Variants in EEF1AKMT1 observed in about 807,000 individuals in gnomAD.
EEF1AKMT1 encodes N-6 adenine-specific DNA methyltransferase 2 (putative).
In EEF1AKMT1, 18 loss-of-function variants were observed where a neutral mutation model predicts 21.0. The observed-to-expected ratio is 0.86, with a 90% CI of 0.59 to 1.27. The LOEUF (loss-of-function observed/expected upper bound fraction) is 1.27, where lower values mean the gene tolerates loss of function less well. Ranked by LOEUF, EEF1AKMT1 falls within the 50% of genes most tolerant of loss-of-function variation. The probability of loss-of-function intolerance (pLI) is 0.00; values close to 1 mark genes in which losing one functional copy is unlikely to be tolerated. For missense variants in EEF1AKMT1, 246 were observed against 258.6 expected, an observed-to-expected ratio of 0.95 and a Z score of 0.33; for synonymous variants, 109 against 94.8, an observed-to-expected ratio of 1.15 and a Z score of -0.87.
chr13:20,764,305 T>C (rs2059016138), intron 1 of EEF1AKMT1, among the ~76,000 whole-genome samples: 1 of 152,194 alleles, frequency 6.6e-6, no homozygotes, highest in Non-Finnish European at 1.5e-5. Context: ...CTCTGGCCCA[T>C]ATATTTAGAA....
At chr13:20,748,235 G>A (rs906711565) in intron 2 of EEF1AKMT1, among the ~76,000 whole-genome samples, 6 of 152,110 alleles carry the variant, frequency 3.9e-5, no homozygotes, top group African/African-American at 1.4e-4. Flanking sequence ...AGGAGATTGA[G>A]ACCATCTGGC....
At chr13:20,729,586 C>G (rs143667120) in intron 4 of EEF1AKMT1, among the ~76,000 whole-genome samples, 2 of 152,002 alleles carry the variant, frequency 1.3e-5, no homozygotes, top group Non-Finnish European at 2.9e-5. Context: ...AGCCAAGAGC[C>G]TTTTTCAGTA....
chr13:20,735,180 T>C (rs1408379736), intron 3 of EEF1AKMT1, among the ~76,000 whole-genome samples: 2 of 152,274 alleles, frequency 1.3e-5, no homozygotes, highest in East Asian at 3.9e-4. Flanking sequence ...GTTCACGTGG[T>C]GGCATACCCG....
chr13:20,772,225 G>C (rs2059066269), intron 1 of EEF1AKMT1, among the ~76,000 whole-genome samples: 1 of 151,838 alleles, frequency 6.6e-6, no homozygotes, highest in Non-Finnish European at 1.5e-5. Flanking sequence ...CCCCACAAGT[G>C]GCAGTAAAAA....
At chr13:20,768,457 G>A (rs142192674) in intron 1 of EEF1AKMT1, among the ~76,000 whole-genome samples, 3 of 152,256 alleles carry the variant, frequency 2.0e-5, no homozygotes, top group African/African-American at 7.2e-5. Context: ...AATGAGTCAG[G>A]TATTGTTCCT....
intron 1 of EEF1AKMT1, among the ~76,000 whole-genome samples, chr13:20,771,158 C>A (rs2059061177): frequency 6.6e-6 from 1 of 152,174 alleles, no homozygotes. Flanking sequence ...AAACATGAGC[C>A]ATTATGCCCA....
intron 4 of EEF1AKMT1, 63 bp downstream of exon 4, chr13:20,731,778 G>A: frequency 6.6e-7 from 1 of 1,513,432 alleles, no homozygotes; most frequent in East Asian, 2.3e-5. Flanking sequence ...ATTTTTTCTT[G>A]ACCCTGAAGA....
intron 2 of EEF1AKMT1, among the ~76,000 whole-genome samples, chr13:20,738,913 T>G (rs1051293188): frequency 6.6e-6 from 1 of 152,204 alleles, no homozygotes; most frequent in Admixed American, 6.5e-5. Flanking sequence ...GTGATAGTTG[T>G]GTGTCCGGAA....
intron 3 of EEF1AKMT1, among the ~76,000 whole-genome samples, chr13:20,732,720 A>T (rs1185780283): frequency 6.6e-6 from 1 of 152,224 alleles, no homozygotes; most frequent in African/African-American, 2.4e-5. Flanking sequence ...CAAAATTTAG[A>T]TGTAGTTAGC....
Position 20,757,588 on chromosome 13 carries a change from A to C in EEF1AKMT1, c.11T>G (p.Leu4Trp), listed in dbSNP as rs758507283. ...AAGCTGGGGTGTCTCATCATCTTCC[A>C]AATCACTCATTTCACAAGTTGTTTA... MSDLEDDETPQLSA... is the reference protein window; with the variant it reads MSDWEDDETPQLSA... The change falls in exon 2 of 5, where the codon TTG becomes TGG. Residue 4 changes from leucine to tryptophan, a missense_variant. By Grantham distance (61) the Leu-to-Trp change is moderately conservative (BLOSUM62 -2). Coordinates refer to ENST00000382758, the MANE Select transcript of EEF1AKMT1 (RefSeq NM_001318939.2). 8 of 1,613,922 alleles carry C rather than the reference A, an allele frequency of 5.0e-6. No homozygotes were observed. In the South Asian group the frequency reaches 8.8e-5, roughly 18 times the overall value.
chr13:20,746,508 A>T (rs1185798678), intron 2 of EEF1AKMT1, among the ~76,000 whole-genome samples: 8 of 152,184 alleles, frequency 5.3e-5, no homozygotes, highest in African/African-American at 1.9e-4. Flanking sequence ...ACCTCTGCAA[A>T]GGACATCTGG....
Position 20,761,069 on chromosome 13 carries a change from C to T in EEF1AKMT1, c.-19-3452G>A, listed in dbSNP as rs1741484373. Reference sequence around the variant, plus strand: ...GAAATGAACAGTACAATCCACAGAGCTCGTGCAGTTCACCAGTTTTACACA... The same window carrying T: ...GAAATGAACAGTACAATCCACAGAGTTCGTGCAGTTCACCAGTTTTACACA... On this transcript the variant is annotated intron_variant, in intron 1 of 4. Transcript: ENST00000382758. Among the ~76,000 whole-genome samples the T allele has an allele frequency of 2.6e-5, 4 of 152,226 alleles. No individual in the cohort carries two copies. In the South Asian group the frequency reaches 6.2e-4, roughly 24 times the overall value.
chr13:20,729,247 A>C, intron 4 of EEF1AKMT1, 31 bp from the exon 5 acceptor site: 1 of 1,613,584 alleles, frequency 6.2e-7, no homozygotes, highest in South Asian at 1.1e-5. Flanking sequence ...GAATCCAGAG[A>C]GTGACAACCC....
At chr13:20,769,083 G>A (rs1464374027) in intron 1 of EEF1AKMT1, 1 of 152,088 alleles carries the variant, frequency 6.6e-6, no homozygotes, top group Non-Finnish European at 1.5e-5. Context: ...ACATTCTATG[G>A]TTGTCACTGG....
At chr13:20,770,085 T>C (rs1002391894) in intron 1 of EEF1AKMT1, among the ~76,000 whole-genome samples, 16 of 152,212 alleles carry the variant, frequency 1.1e-4, no homozygotes, top group South Asian at 8.3e-4. Flanking sequence ...AGCATGAATA[T>C]AGGAAAATGA....
intron 3 of EEF1AKMT1, among the ~76,000 whole-genome samples, chr13:20,735,342 G>A (rs2058820885): frequency 6.6e-6 from 1 of 152,142 alleles, no homozygotes; most frequent in Non-Finnish European, 1.5e-5. Context: ...CACCATGACT[G>A]TGGCAGAAAA....
intron 1 of EEF1AKMT1, among the ~76,000 whole-genome samples, chr13:20,766,556 T>C (rs1005946552): frequency 6.6e-6 from 1 of 152,148 alleles, no homozygotes. Context: ...GTGCGGTGGC[T>C]CACGTCTGTA....
At chr13:20,752,168 G>T (rs781128625) in intron 2 of EEF1AKMT1, among the ~76,000 whole-genome samples, 1 of 152,032 alleles carries the variant, frequency 6.6e-6, no homozygotes, top group Non-Finnish European at 1.5e-5. Flanking sequence ...TCCTAGTTAG[G>T]ACTTCCAGTA....
chr13:20,748,715 G>GTTT (rs796299437), intron 2 of EEF1AKMT1, among the ~76,000 whole-genome samples: 169 of 105,838 alleles, frequency 1.6e-3, no homozygotes, highest in African/African-American at 5.9e-3. Context: ...ATGTATAGTT[G>GTTT]TTTTTTTTTG....
Sources: allele counts gnomAD v4.1 joint callset (sites outside exome capture counted in the v4.1 genomes callset), GRCh38; gene constraint gnomAD v4.1.1; transcripts MANE v1.5; gene names NCBI Gene and HGNC (gene_info 2026-07-23, HGNC 2026-07-21).